SHISA6: variants seen among roughly 807,000 people sequenced by gnomAD.
SHISA6 encodes shisa family member 6.
A neutral mutation model predicts 47.9 loss-of-function variants in SHISA6; 22 were observed. The observed-to-expected ratio is 0.46, with a 90% CI of 0.33 to 0.66. The LOEUF is 0.66. SHISA6 is among the 30% of genes least tolerant of loss of function. The pLI, the probability that SHISA6 is intolerant of heterozygous loss-of-function variation, is 0.02. For missense variants in SHISA6, 680 were observed against 764.6 expected (o/e 0.89, Z 1.30); for synonymous variants, 388 against 337.8 (o/e 1.15, Z -1.63).
rs1253965723 is a variant in SHISA6 at position 11,379,554 on chromosome 17, G to A, written c.895+45G>A. ...TTACTAAAATACAGAGGTTGCCTAG[G>A]GAACGCCATCTGAAATGAGAAGATG... On this transcript the variant is annotated intron_variant, in intron 3 of 5. Coordinates refer to ENST00000441885, the MANE Select transcript of SHISA6 (RefSeq NM_207386.4). 2.2e-6 allele frequency: 3 copies of A among 1,345,540 alleles called. No homozygotes were observed. The Admixed American group carries it at 6.5e-5, about 29-fold the overall frequency. 83.4% of individuals were successfully genotyped at this position (1,345,540 alleles called of 1,614,324 possible).
At chr17:11,538,457 G>A (rs1002120201) in intron 3 of SHISA6, among the ~76,000 whole-genome samples, 2 of 152,170 alleles carry the variant, frequency 1.3e-5, no homozygotes, top group Non-Finnish European at 2.9e-5. Flanking sequence ...GGCAAGCACC[G>A]AGGAATAGGG....
intron 2 of SHISA6, among the ~76,000 whole-genome samples, chr17:11,318,402 G>A (rs1277938315): frequency 2.0e-5 from 3 of 152,118 alleles, no homozygotes; most frequent in Admixed American, 2.0e-4. Flanking sequence ...GCTTCGTCCT[G>A]TGCCAAGCCA....
intron 3 of SHISA6, among the ~76,000 whole-genome samples, chr17:11,510,827 T>C (rs1363332142): frequency 6.6e-6 from 1 of 152,198 alleles, no homozygotes; most frequent in East Asian, 1.9e-4. Context: ...AATGTCTCAC[T>C]AAATGGTAGG....
intron 3 of SHISA6, among the ~76,000 whole-genome samples, chr17:11,477,707 A>G (rs1166290337): frequency 6.7e-6 from 1 of 148,516 alleles, no homozygotes; most frequent in Non-Finnish European, 1.5e-5. Context: ...ACTGAGAATA[A>G]TGATTTCCAG....
chr17:11,320,099 G>A (rs1334188115), intron 2 of SHISA6, among the ~76,000 whole-genome samples: 1 of 152,164 alleles, frequency 6.6e-6, no homozygotes, highest in Admixed American at 6.5e-5. Flanking sequence ...GGCATTCAGG[G>A]AATGAGGAAA....
intron 1 of SHISA6, among the ~76,000 whole-genome samples, chr17:11,250,536 T>G (rs1567699256): frequency 6.6e-6 from 1 of 152,218 alleles, no homozygotes; most frequent in Non-Finnish European, 1.5e-5. Context: ...GTTACCAGAC[T>G]CAGTGTCTGC....
intron 3 of SHISA6, among the ~76,000 whole-genome samples, chr17:11,463,180 C>T (rs142185169): frequency 9.2e-5 from 14 of 152,150 alleles, no homozygotes; most frequent in South Asian, 4.1e-4. Context: ...ATCTAAGCTC[C>T]GTAAGCTTGT....
intron 3 of SHISA6, among the ~76,000 whole-genome samples, chr17:11,457,575 CAAAA>C (rs56253032): frequency 5.1e-5 from 7 of 137,370 alleles, no homozygotes; most frequent in Admixed American, 2.2e-4. Context: ...ACTAAAAATG[CAAAA>C]AAAAAAAAAA....
At chr17:11,293,228 G>A (rs111722818) in intron 2 of SHISA6, among the ~76,000 whole-genome samples, 5 of 152,234 alleles carry the variant, frequency 3.3e-5, no homozygotes, top group African/African-American at 1.2e-4. Flanking sequence ...TGGAATCAAG[G>A]AGCTTTTTTT....
intron 2 of SHISA6, among the ~76,000 whole-genome samples, chr17:11,267,744 C>T (rs957485709): frequency 6.6e-6 from 1 of 152,090 alleles, no homozygotes; most frequent in African/African-American, 2.4e-5. Flanking sequence ...GTGTGGCTGT[C>T]GTAACCAGTC....
chr17:11,379,580 G>A (rs1384564811), intron 3 of SHISA6, 71 bp downstream of exon 3: 1 of 1,080,558 alleles, frequency 9.3e-7, no homozygotes, highest in Admixed American at 2.3e-5. Flanking sequence ...TGAGAAGATG[G>A]TGTGGAGGCC....
intron 3 of SHISA6, among the ~76,000 whole-genome samples, chr17:11,383,236 C>A (rs1376332940): frequency 6.6e-6 from 1 of 152,044 alleles, no homozygotes; most frequent in Non-Finnish European, 1.5e-5. Context: ...CCATGCCCAG[C>A]CCTGTCAGCC....
At chr17:11,416,201 G>T (rs1485852834) in intron 3 of SHISA6, among the ~76,000 whole-genome samples, 1 of 152,144 alleles carries the variant, frequency 6.6e-6, no homozygotes, top group Non-Finnish European at 1.5e-5. Context: ...CAGGCATTGA[G>T]TTCATAGCAT....
chr17:11,420,477 G>A (rs1914421518), intron 3 of SHISA6, among the ~76,000 whole-genome samples: 1 of 152,236 alleles, frequency 6.6e-6, no homozygotes, highest in Admixed American at 6.5e-5. Flanking sequence ...TCCAGTGGTA[G>A]AGTTTTTTGT....
intron 2 of SHISA6, among the ~76,000 whole-genome samples, chr17:11,277,280 T>TCTCTCTCTCACACACACACA (rs1386997909): frequency 2.0e-3 from 109 of 53,850 alleles, no homozygotes; most frequent in Middle Eastern, 0.015. Context: ...TCTCTCTCTC[T>TCTCTCTCTCACACACACACA]CACACACACA....
At chr17:11,254,023 A>G (rs1444349013) in intron 1 of SHISA6, among the ~76,000 whole-genome samples, 1 of 152,048 alleles carries the variant, frequency 6.6e-6, no homozygotes, top group Non-Finnish European at 1.5e-5. Flanking sequence ...ACAGCATCAC[A>G]CCTACTGTAG....
chr17:11,292,357 A>T (rs1909583947), intron 2 of SHISA6, among the ~76,000 whole-genome samples: 1 of 152,062 alleles, frequency 6.6e-6, no homozygotes, highest in Admixed American at 6.6e-5. Context: ...TCATTGTTCA[A>T]ATTATGGCTT....
intron 3 of SHISA6, among the ~76,000 whole-genome samples, chr17:11,392,061 A>C (rs936176761): frequency 6.6e-6 from 1 of 152,222 alleles, no homozygotes; most frequent in Admixed American, 6.5e-5. Context: ...CAAGGAATTC[A>C]AAAATGTGCA....
At chr17:11,404,704 C>T (rs79302635) in intron 3 of SHISA6, among the ~76,000 whole-genome samples, 1 of 152,200 alleles carries the variant, frequency 6.6e-6, no homozygotes, top group African/African-American at 2.4e-5. Flanking sequence ...TACACCCCCA[C>T]GTACAGACGA....
Sources: allele counts gnomAD v4.1 joint callset (sites outside exome capture counted in the v4.1 genomes callset), GRCh38; gene constraint gnomAD v4.1.1; transcripts MANE v1.5; gene names NCBI Gene and HGNC (gene_info 2026-07-23, HGNC 2026-07-21).